Variants in CARMIL1 observed in about 807,000 individuals in gnomAD.
CARMIL1 encodes F-actin-uncapping protein LRRC16A.
A neutral mutation model predicts 177.1 loss-of-function variants in CARMIL1; 90 were observed. That is an observed-to-expected ratio of 0.51 (90% CI 0.43 to 0.61). The LOEUF (loss-of-function observed/expected upper bound fraction) is 0.61. Ranked by LOEUF, CARMIL1 falls within the 20% of genes least tolerant of loss-of-function variation. CARMIL1 has a pLI of 0.00. For missense variants in CARMIL1, 1,380 were observed against 1,667.0 expected, an observed-to-expected ratio of 0.83 and a Z score of 3.00; for synonymous variants, 577 against 606.2, an observed-to-expected ratio of 0.95 and a Z score of 0.71.
At chr6:25,522,810 CATTG>C (rs149243209) in intron 23 of CARMIL1, among the ~76,000 whole-genome samples, 1 of 151,834 alleles carries the variant, frequency 6.6e-6, no homozygotes, top group Non-Finnish European at 1.5e-5. Context: ...CTGGATACTT[CATTG>C]ATTGATTGAT....
chr6:25,342,268 T>A (rs1282386469), intron 2 of CARMIL1, among the ~76,000 whole-genome samples: 1 of 152,206 alleles, frequency 6.6e-6, no homozygotes, highest in Admixed American at 6.5e-5. Flanking sequence ...GAAGAGGTCA[T>A]TTAGTCTCAT....
Position 25,409,301 on chromosome 6 carries a change from C to A in CARMIL1, c.139-10813C>A, listed in dbSNP as rs139650180. 2.3e-3 allele frequency among the ~76,000 whole-genome samples: 348 copies of A among 152,282 alleles called. 1 individual carries two copies. Among genetic ancestry groups the A allele is most frequent in the African/African-American group, 7.8e-3 (325 of 41,552 alleles). On this transcript the variant is annotated intron_variant, in intron 2 of 36. Transcript: ENST00000329474. ...GCACACTGTCTCTGTAGGTCTCACA[C>A]CTTTGTCCCTGTGGATCATTTTCAG... is the stretch of plus-strand genomic sequence containing the variant.
At chr6:25,529,763 A>C (rs1807556017) in intron 24 of CARMIL1, among the ~76,000 whole-genome samples, 3 of 94,954 alleles carry the variant, frequency 3.2e-5, no homozygotes, top group Non-Finnish European at 6.3e-5. Flanking sequence ...TCCAAAAAAA[A>C]AAAAAAAAAA....
At chr6:25,426,700 G>A in intron 4 of CARMIL1, 140 bp downstream of exon 4, 1 of 629,760 alleles carries the variant, frequency 1.6e-6, no homozygotes, top group Non-Finnish European at 2.7e-6. Flanking sequence ...CACTGGCTGT[G>A]TGGACAGGAG....
chr6:25,360,703 G>A (rs1446429031), intron 2 of CARMIL1, among the ~76,000 whole-genome samples: 1 of 152,238 alleles, frequency 6.6e-6, no homozygotes, highest in Non-Finnish European at 1.5e-5. Flanking sequence ...TTGAGAAAGA[G>A]TAACAGGGAC....
rs530146462 is a variant in CARMIL1, at chr6:25,610,276, T to C, written c.3979+95T>C. ...ACTCATCCTGGACTTTACTAATATCTTAGAGTTTGTTAAAGTCAACATTGC... is the reference window on the plus strand; with the variant it reads ...ACTCATCCTGGACTTTACTAATATCCTAGAGTTTGTTAAAGTCAACATTGC... On this transcript the variant is annotated intron_variant, in intron 36 of 36. Coordinates refer to ENST00000329474, the MANE Select transcript of CARMIL1 (RefSeq NM_017640.6). The C allele has an allele frequency of 4.3e-5, 58 of 1,343,548 alleles. No homozygotes were observed. The African/African-American group carries it at 7.7e-4, about 18-fold the overall frequency. 83.2% of individuals were successfully genotyped at this position (1,343,548 alleles called of 1,614,324 possible). A position where few individuals can be genotyped will look rare whatever the true frequency, so the allele number is the denominator to read the frequency against.
At chr6:25,504,204 A>C (rs1254327437) in intron 17 of CARMIL1, among the ~76,000 whole-genome samples, 1 of 152,136 alleles carries the variant, frequency 6.6e-6, no homozygotes, top group African/African-American at 2.4e-5. Context: ...ATAGAGGATA[A>C]ATGATGGTAA....
chr6:25,604,948 CAG>C, intron 34 of CARMIL1, 55 bp downstream of exon 34: 3 of 1,393,480 alleles, frequency 2.2e-6, no homozygotes, highest in Non-Finnish European at 3.0e-6. Flanking sequence ...CTTCTGATTG[CAG>C]AGTCACATGA....
At chr6:25,560,485 G>A (rs988709457) in intron 29 of CARMIL1, among the ~76,000 whole-genome samples, 1 of 152,064 alleles carries the variant, frequency 6.6e-6, no homozygotes, top group Non-Finnish European at 1.5e-5. Context: ...TAACACTTAT[G>A]TAGTACCTGT....
At chr6:25,465,417 G>A (rs1800513498) in intron 8 of CARMIL1, 1 of 155,380 alleles carries the variant, frequency 6.4e-6, no homozygotes, top group South Asian at 2.0e-4. Flanking sequence ...CTACTTGGGA[G>A]GCTGAGGTGG....
At chr6:25,418,036 G>A (rs1372723309) in intron 2 of CARMIL1, among the ~76,000 whole-genome samples, 3 of 152,202 alleles carry the variant, frequency 2.0e-5, no homozygotes, top group Non-Finnish European at 4.4e-5. Flanking sequence ...GCACGATTGA[G>A]TAATAACATG....
chr6:25,532,882 G>A (rs943159006), intron 24 of CARMIL1, among the ~76,000 whole-genome samples: 1 of 152,162 alleles, frequency 6.6e-6, no homozygotes, highest in African/African-American at 2.4e-5. Context: ...ACTCAACTCT[G>A]CTGCGATAGA....
At chr6:25,505,113 G>A (rs574616413) in intron 17 of CARMIL1, among the ~76,000 whole-genome samples, 4 of 152,214 alleles carry the variant, frequency 2.6e-5, no homozygotes, top group African/African-American at 9.6e-5. Flanking sequence ...ACATTTTTGG[G>A]AATTGCCTTC....
intron 2 of CARMIL1, among the ~76,000 whole-genome samples, chr6:25,382,503 T>C (rs1791651572): frequency 6.6e-6 from 1 of 152,102 alleles, no homozygotes; most frequent in Non-Finnish European, 1.5e-5. Context: ...TTCCACAGTG[T>C]GGAAGGGGAC....
At chr6:25,381,887 A>C (rs1791585060) in intron 2 of CARMIL1, among the ~76,000 whole-genome samples, 2 of 152,084 alleles carry the variant, frequency 1.3e-5, no homozygotes, top group Admixed American at 1.3e-4. Flanking sequence ...CTGAAAGTTC[A>C]TTCCTCAAAT....
chr6:25,335,739 G>A (rs78308047), intron 2 of CARMIL1, among the ~76,000 whole-genome samples: 8,548 of 152,340 alleles, frequency 0.056, 301 homozygotes, highest in Non-Finnish European at 0.087. Context: ...TCACTGTGGG[G>A]CGGCAGGGTG....
rs564779356 is a variant in CARMIL1, at chr6:25,403,326, T to G, written c.139-16788T>G. Among the ~76,000 whole-genome samples the G allele has an allele frequency of 1.1e-3, 164 of 152,268 alleles. 1 individual carries two copies. Among genetic ancestry groups the G allele is most frequent in the African/African-American group, 3.7e-3 (152 of 41,550 alleles). On this transcript the variant is annotated intron_variant, in intron 2 of 36. Transcript: ENST00000329474. Reference sequence around the variant, plus strand: ...CCACCTCTCAGCACTCCTGCTAACCTCTGTGGCTTAACCATCACCATCTCT... The same window carrying G: ...CCACCTCTCAGCACTCCTGCTAACCGCTGTGGCTTAACCATCACCATCTCT...
chr6:25,419,132 A>G (rs560999428), intron 2 of CARMIL1, among the ~76,000 whole-genome samples: 6 of 152,310 alleles, frequency 3.9e-5, no homozygotes, highest in Admixed American at 3.9e-4. Context: ...GACTTTGGGT[A>G]AGTCCTTTAA....
intron 8 of CARMIL1, among the ~76,000 whole-genome samples, chr6:25,455,189 A>G (rs556403553): frequency 1.3e-5 from 2 of 152,310 alleles, no homozygotes; most frequent in East Asian, 3.9e-4. Flanking sequence ...TAGATTCTGC[A>G]TGCATTTGTA....
Sources: allele counts gnomAD v4.1 joint callset (sites outside exome capture counted in the v4.1 genomes callset), GRCh38; gene constraint gnomAD v4.1.1; transcripts MANE v1.5; gene names NCBI Gene and HGNC (gene_info 2026-07-23, HGNC 2026-07-21).